AP3B2: variants seen among roughly 807,000 people sequenced by gnomAD.
AP3B2 encodes adaptor related protein complex 3 subunit beta 2, also known as AP-3 complex subunit beta-2.
A neutral mutation model predicts 126.9 loss-of-function variants in AP3B2; 50 were observed. The observed-to-expected ratio is 0.39, with a 90% CI of 0.31 to 0.50. The LOEUF is 0.50. Ranked by LOEUF, AP3B2 falls within the 20% of genes least tolerant of loss-of-function variation. AP3B2 has a pLI of 0.79. For missense variants in AP3B2, 1,177 were observed against 1,426.4 expected, an observed-to-expected ratio of 0.83 and a Z score of 2.82; for synonymous variants, 541 against 565.0, an observed-to-expected ratio of 0.96 and a Z score of 0.60.
intron 1 of AP3B2, chr15:82,691,858 A>G: frequency 7.7e-7 from 1 of 1,297,992 alleles, no homozygotes; most frequent in Non-Finnish European, 1.1e-6. Context: ...AGATGTAGGA[A>G]GTTTCACTAT....
intron 25 of AP3B2, 57 bp downstream of exon 25, chr15:82,661,767 GA>G: frequency 2.1e-6 from 3 of 1,423,078 alleles, no homozygotes; most frequent in Non-Finnish European, 2.9e-6. Context: ...ATCCAAGCTG[GA>G]CATTCTGGAG....
chr15:82,685,321 G>A (rs527684661), intron 4 of AP3B2: 1 of 152,210 alleles, frequency 6.6e-6, no homozygotes, highest in Non-Finnish European at 1.5e-5. Context: ...CCCTCAATTT[G>A]TAAAAAGTGC....
chr15:82,688,987 C>T (rs1167971286), intron 3 of AP3B2, 156 bp from the exon 4 acceptor site: 2 of 1,007,660 alleles, frequency 2.0e-6, no homozygotes, highest in Non-Finnish European at 3.0e-6. Context: ...GGGTCCTTTA[C>T]CTTGATCCAC....
chr15:82,702,355 CT>C (rs1157604482), intron 1 of AP3B2, among the ~76,000 whole-genome samples: 4 of 152,204 alleles, frequency 2.6e-5, no homozygotes, highest in Non-Finnish European at 4.4e-5. Flanking sequence ...GTTGCAGGAA[CT>C]AGTAACCTGA....
In AP3B2 at chr15:82,664,029, T is replaced by C; in HGVS notation, c.2262-54A>G. 1 of 1,555,960 alleles carries C rather than the reference T, an allele frequency of 6.4e-7. No individual in the cohort carries two copies. The highest frequency in any genetic ancestry group is 8.7e-7 in the Non-Finnish European group (1 of 1,155,398). ...CCTGGCCTGGACACTCCCTCCTTGC[T>C]TCACAGAAGCAGGAGAAATGCTGAA... On this transcript the variant is annotated intron_variant, in intron 19 of 26. Transcript: ENST00000535359. This position sits in a 1 kb window ranked among gnomAD's most constrained non-coding sequence, Gnocchi z 4.5.
intron 14 of AP3B2, among the ~76,000 whole-genome samples, chr15:82,673,554 T>C (rs891709336): frequency 1.3e-5 from 2 of 151,692 alleles, no homozygotes; most frequent in Non-Finnish European, 2.9e-5. Context: ...GAAATGTGAA[T>C]GGGGAAAAAA....
At chr15:82,699,854 G>A (rs984452137) in intron 1 of AP3B2, 1 of 399,756 alleles carries the variant, frequency 2.5e-6, no homozygotes, top group East Asian at 3.6e-5. Flanking sequence ...ACGGCCCCCG[G>A]GAGCTGCAGG....
chr15:82,662,558 G>T, intron 23 of AP3B2, 136 bp downstream of exon 23: 1 of 835,524 alleles, frequency 1.2e-6, no homozygotes, highest in Non-Finnish European at 1.9e-6. Context: ...CCACCAGAGT[G>T]TTGATCATGT....
intron 1 of AP3B2, among the ~76,000 whole-genome samples, chr15:82,691,419 C>T (rs1164147987): frequency 6.6e-6 from 1 of 152,132 alleles, no homozygotes; most frequent in African/African-American, 2.4e-5. Context: ...TGGGCCAACT[C>T]AGTCACAGTA....
Position 82,666,831 on chromosome 15 carries a change from C to T in AP3B2, c.1768G>A (p.Glu590Lys), listed in dbSNP as rs943737232. The change falls in exon 15 of 27, where the codon GAG becomes AAG. Residue 590 changes from glutamate (E) to lysine (K), a missense_variant. This residue lies in a region of AP3B2 where 308 missense variants were observed against 452.4 expected (regional missense o/e 0.68). Transcript: ENST00000535359. ...TGGCGGCTGAGGGCCCCACCCTGCT[C>T]GGAAGGGACGATGAGCTGCCGGGTG... ...RFTRQLIVPSEQGGALSRHAK... is the reference protein window; with the variant it reads ...RFTRQLIVPSKQGGALSRHAK... 3 of 1,613,852 alleles carry T rather than the reference C, an allele frequency of 1.9e-6. No homozygotes were observed. The highest frequency in any genetic ancestry group is 1.3e-5 in the African/African-American group (1 of 74,922).
chr15:82,661,586 C>G, intron 25 of AP3B2, among the ~76,000 whole-genome samples: 1 of 152,220 alleles, frequency 6.6e-6, no homozygotes, highest in East Asian at 1.9e-4. Flanking sequence ...CAGCCATACT[C>G]GTTCATTTAC....
chr15:82,671,860 A>G (rs767982657), intron 14 of AP3B2, among the ~76,000 whole-genome samples: 1 of 152,138 alleles, frequency 6.6e-6, no homozygotes, highest in Non-Finnish European at 1.5e-5. Flanking sequence ...CCTGGCCAAC[A>G]TGGTGAAACC....
chr15:82,670,069 CAAAAA>C (rs779045948), intron 14 of AP3B2, among the ~76,000 whole-genome samples: 2 of 36,424 alleles, frequency 5.5e-5, no homozygotes, highest in East Asian at 1.0e-3. Flanking sequence ...ACTCCGTCTC[CAAAAA>C]AAAAAAAAAA....
At chr15:82,661,684 ATTT>A in intron 25 of AP3B2, 138 bp downstream of exon 25, 1 of 661,678 alleles carries the variant, frequency 1.5e-6, no homozygotes, top group Admixed American at 2.7e-5. Context: ...AGCCTAAAAC[ATTT>A]ATCTTTGGCC....
intron 4 of AP3B2, among the ~76,000 whole-genome samples, chr15:82,682,974 A>T (rs975528029): frequency 7.4e-5 from 11 of 148,502 alleles, no homozygotes; most frequent in African/African-American, 2.5e-4. Flanking sequence ...CCTCTGCTTT[A>T]TCAACTAAGT....
chr15:82,684,725 C>T (rs1307061086), intron 4 of AP3B2, among the ~76,000 whole-genome samples: 1 of 152,208 alleles, frequency 6.6e-6, no homozygotes, highest in African/African-American at 2.4e-5. Flanking sequence ...CCCCTGGTCT[C>T]AAGTGATCCT....
intron 1 of AP3B2, among the ~76,000 whole-genome samples, chr15:82,703,867 C>T (rs1029167971): frequency 1.3e-5 from 2 of 152,122 alleles, no homozygotes; most frequent in African/African-American, 4.8e-5. Flanking sequence ...TCTGACCTCT[C>T]ACCTAATCCC....
chr15:82,684,167 C>T (rs943651235), intron 4 of AP3B2, among the ~76,000 whole-genome samples: 1 of 152,204 alleles, frequency 6.6e-6, no homozygotes, highest in Admixed American at 6.5e-5. Context: ...CAGGCATTGA[C>T]TTCTCTCTAG....
At chr15:82,706,109 G>A (rs2048791240) in intron 1 of AP3B2, among the ~76,000 whole-genome samples, 2 of 152,164 alleles carry the variant, frequency 1.3e-5, no homozygotes, top group African/African-American at 2.4e-5. Flanking sequence ...TCATGTCTGC[G>A]TGCAGCGGCT....
Sources: gnomAD v4.1 joint callset for allele counts (sites outside exome capture counted in the v4.1 genomes callset) on GRCh38, gnomAD v4.1.1 for gene constraint, gnomAD v4.1.1 regional missense constraint, Gnocchi (gnomAD v3.1) non-coding constraint, MANE v1.5 for transcripts, NCBI Gene and HGNC (gene_info 2026-07-23, HGNC 2026-07-21) for gene names.